TRANK1: variants seen among roughly 807,000 people sequenced by gnomAD.
The protein encoded by TRANK1 is TPR and ankyrin repeat-containing protein 1.
TRANK1 carries 198 observed loss-of-function variants against 266.0 expected under a neutral mutation model. The observed-to-expected ratio is 0.74, with a 90% CI of 0.66 to 0.84. The LOEUF (loss-of-function observed/expected upper bound fraction) is 0.84, where lower values mean the gene tolerates loss of function less well. Ranked by LOEUF, TRANK1 falls within the 40% of genes least tolerant of loss-of-function variation. The probability of loss-of-function intolerance (pLI) is 0.00; values close to 1 mark genes in which losing one functional copy is unlikely to be tolerated. For missense variants in TRANK1, 3,326 were observed against 3,634.6 expected, an observed-to-expected ratio of 0.92 and a Z score of 2.18; for synonymous variants, 1,396 against 1,384.1, an observed-to-expected ratio of 1.01 and a Z score of -0.19.
At chr3:36,884,933 GAAAA>G (rs201019383) in intron 8 of TRANK1, among the ~76,000 whole-genome samples, 1 of 109,592 alleles carries the variant, frequency 9.1e-6, no homozygotes, top group African/African-American at 3.2e-5. Context: ...CTCTGTCTCA[GAAAA>G]AAAAAAAAAA....
intron 23 of TRANK1, among the ~76,000 whole-genome samples, chr3:36,829,166 A>G (rs1193726106): frequency 6.6e-6 from 1 of 152,218 alleles, no homozygotes; most frequent in Admixed American, 6.5e-5. Flanking sequence ...GAACAACACT[A>G]ATATGTACTA....
In TRANK1 at chr3:36,874,307, C is replaced by T; in HGVS notation, c.908-11G>A. ...CATCCTCTGTTTGTCCTAGGGCAGG[C>T]CAAAATGAGAAGGGGTGTTTGTCAT... is the stretch of plus-strand genomic sequence containing the variant. On this transcript the variant is annotated splice_polypyrimidine_tract_variant and intron_variant, in intron 8 of 23. Coordinates refer to ENST00000645898, the MANE Select transcript of TRANK1 (RefSeq NM_001329998.2). 6.5e-7 allele frequency: 1 copy of T among 1,534,464 alleles called. No homozygotes were observed. Among genetic ancestry groups the T allele is most frequent in the Non-Finnish European group, 8.7e-7 (1 of 1,145,824 alleles).
chr3:36,934,587 G>T (rs1174368635), intron 1 of TRANK1, among the ~76,000 whole-genome samples: 1 of 152,132 alleles, frequency 6.6e-6, no homozygotes, highest in African/African-American at 2.4e-5. Context: ...CCCCGCCCTG[G>T]GTATCTCTGG....
At chr3:36,937,049 ATCATG>A (rs2080435529) in intron 1 of TRANK1, among the ~76,000 whole-genome samples, 1 of 152,204 alleles carries the variant, frequency 6.6e-6, no homozygotes, top group Non-Finnish European at 1.5e-5. Flanking sequence ...GTGAGCCGAG[ATCATG>A]CCACTGCACT....
intron 9 of TRANK1, among the ~76,000 whole-genome samples, 152 bp downstream of exon 9, chr3:36,873,974 G>C (rs1216136610): frequency 8.3e-6 from 1 of 121,212 alleles, no homozygotes; most frequent in African/African-American, 3.1e-5. Flanking sequence ...AAAAAAAAAA[G>C]CAAACAAGTT....
At position 36,833,412 on chromosome 3, in the gene TRANK1, G is replaced by T. The variant is rs754963318; in HGVS notation, c.6171C>A (p.Asn2057Lys). The T allele has an allele frequency of 6.2e-7, 1 of 1,613,786 alleles. No individual in the cohort carries two copies. Among genetic ancestry groups the T allele is most frequent in the Non-Finnish European group, 8.5e-7 (1 of 1,179,838 alleles). The change falls in exon 22 of 24, where the codon AAC becomes AAA. Residue 2057 changes from asparagine to lysine, a missense_variant. Physicochemically the swap from Asn to Lys is moderately conservative, Grantham distance 94 (BLOSUM62 0). Transcript: ENST00000645898. ...RDAFFKFDTL[N>K]HSAGVVEALY... ...GTGCTTCCACCACTCCAGCTGAGTG[G>T]TTGAGCGTGTCAAACTTGAAGAAGG...
At chr3:36,945,696 C>T (rs1456734486), upstream of TRANK1, among the ~76,000 whole-genome samples, 2 of 152,328 alleles carry the variant, frequency 1.3e-5, no homozygotes, top group Admixed American at 6.5e-5. Flanking sequence ...CGGTTCTCGG[C>T]CTAGGGAGCC....
chr3:36,883,122 A>G (rs2079553717), intron 8 of TRANK1, among the ~76,000 whole-genome samples: 2 of 152,312 alleles, frequency 1.3e-5, no homozygotes, highest in South Asian at 4.1e-4. Flanking sequence ...ATTAATATGG[A>G]GTGATTTCCA....
rs541211894 is a variant in TRANK1 at position 36,847,964 on chromosome 3, G to A, written c.4888-618C>T. 3.9e-5 allele frequency among the ~76,000 whole-genome samples: 6 copies of A among 152,304 alleles called. 1 individual carries two copies. In the South Asian group the frequency reaches 1.0e-3, roughly 26 times the overall value. On this transcript the variant is annotated intron_variant, in intron 15 of 23. Coordinates refer to ENST00000645898, the MANE Select transcript of TRANK1 (RefSeq NM_001329998.2). ...ACAGATAATCAGTGTCAAATGTCTAGTACAATGTTTAATAGTTGACATTTT... is the reference window on the plus strand; with the variant it reads ...ACAGATAATCAGTGTCAAATGTCTAATACAATGTTTAATAGTTGACATTTT...
chr3:36,916,762 C>G (rs1295645557), intron 1 of TRANK1, among the ~76,000 whole-genome samples: 2 of 151,778 alleles, frequency 1.3e-5, no homozygotes, highest in South Asian at 2.1e-4. Flanking sequence ...ATTACAGAAA[C>G]AGGGGCTTTG....
rs180960902 is a variant in TRANK1, at chr3:36,940,664, G to A, written c.23+4123C>T. On this transcript the variant is annotated intron_variant, in intron 1 of 23. Coordinates refer to ENST00000645898, the MANE Select transcript of TRANK1 (RefSeq NM_001329998.2). ...GATTCAGGAGCTGGGAAGTCTCTTC[G>A]AGAGCTTGTCTGCACCTCCACTAAT... 8.5e-5 allele frequency among the ~76,000 whole-genome samples: 13 copies of A among 152,218 alleles called. No individual in the cohort carries two copies. In the East Asian group the frequency reaches 1.2e-3, roughly 14 times the overall value.
chr3:36,943,824 T>C (rs35143437), intron 1 of TRANK1, among the ~76,000 whole-genome samples: 1 of 151,954 alleles, frequency 6.6e-6, no homozygotes, highest in Non-Finnish European at 1.5e-5. Context: ...AGCAACTGGG[T>C]TGGAGCAGAT....
chr3:36,833,099 C>G lies in TRANK1; in HGVS notation c.6484G>C (p.Asp2162His). The G allele has an allele frequency of 3.1e-6, 5 of 1,612,112 alleles. No homozygotes were observed. The highest frequency in any genetic ancestry group is 4.2e-6 in the Non-Finnish European group (5 of 1,178,940). Reference sequence around the variant, plus strand: ...TTGTTTAGGGCTAATTTCACTTGGTCAGTCATTATCAAAAAATGATCTTTT... The same window carrying G: ...TTGTTTAGGGCTAATTTCACTTGGTGAGTCATTATCAAAAAATGATCTTTT... ...KTKDHFLIMT[D>H]QVKLALNKHL... Residue 2162 changes from aspartate to histidine, a missense_variant, in exon 22 of 24, where the codon GAC becomes CAC. Transcript: ENST00000645898.
At chr3:36,912,801 G>T (rs1172356693) in intron 1 of TRANK1, among the ~76,000 whole-genome samples, 2 of 152,170 alleles carry the variant, frequency 1.3e-5, no homozygotes, top group Non-Finnish European at 2.9e-5. Context: ...ACTGAAATGG[G>T]CAGAGAGGAT....
Position 36,856,699 on chromosome 3 carries a change from T to C in TRANK1, c.3023A>G (p.His1008Arg), listed in dbSNP as rs369399734. Reference sequence around the variant, plus strand: ...TGGGGGAAAGTACTCAGGATTGACATGCTCCCTGCCCTTCTCGGCCTCTGT... The same window carrying C: ...TGGGGGAAAGTACTCAGGATTGACACGCTCCCTGCCCTTCTCGGCCTCTGT... ...EDTEAEKGRE[H>R]VNPEYFPPAS... Residue 1008 changes from histidine (H) to arginine (R), a missense_variant, in exon 13 of 24, where the codon CAT (histidine) becomes CGT (arginine). Transcript: ENST00000645898. The C allele has an allele frequency of 1.9e-6, 3 of 1,614,060 alleles. No individual in the cohort carries two copies. Among genetic ancestry groups the C allele is most frequent in the Non-Finnish European group, 2.5e-6 (3 of 1,179,902 alleles).
intron 15 of TRANK1, chr3:36,850,763 A>T (rs2078974921): frequency 1.0e-6 from 1 of 985,268 alleles, no homozygotes; most frequent in Admixed American, 6.1e-5. Context: ...AGGCAAAATA[A>T]CATTTAAAAA....
In TRANK1 at chr3:36,906,488, G is replaced by T. The variant is rs547802307; in HGVS notation, c.155+1835C>A. On this transcript the variant is annotated intron_variant, in intron 2 of 23. Transcript: ENST00000645898. ...AAATACTGTTCTTTTTATGGAAAAA[G>T]ACAAACTTTTGTGATTAACAAATGA... Among the ~76,000 whole-genome samples, 9 of 152,256 alleles carry T rather than the reference G, an allele frequency of 5.9e-5. No homozygotes were observed. In the South Asian group the frequency reaches 1.9e-3, roughly 31 times the overall value.
At chr3:36,933,087 A>G (rs2080381437) in intron 1 of TRANK1, among the ~76,000 whole-genome samples, 1 of 152,142 alleles carries the variant, frequency 6.6e-6, no homozygotes, top group African/African-American at 2.4e-5. Context: ...AGGCGTTATC[A>G]GTACTAGCTC....
chr3:36,914,003 C>A (rs150322770), intron 1 of TRANK1, among the ~76,000 whole-genome samples: 55 of 152,296 alleles, frequency 3.6e-4, no homozygotes, highest in African/African-American at 1.3e-3. Flanking sequence ...AGCCAGTTGA[C>A]GAGACCAGCT....
Sources: allele counts gnomAD v4.1 joint callset (sites outside exome capture counted in the v4.1 genomes callset), GRCh38; gene constraint gnomAD v4.1.1; transcripts MANE v1.5; gene names NCBI Gene and HGNC (gene_info 2026-07-23, HGNC 2026-07-21).